Variants in MYRIP observed in about 807,000 individuals in gnomAD.
MYRIP encodes the protein myosin VIIA and Rab interacting protein.
MYRIP carries 49 observed loss-of-function variants against 98.0 expected under a neutral mutation model. The ratio of observed to expected loss-of-function variants is 0.50; its 90% CI spans 0.40 to 0.63. MYRIP has a LOEUF of 0.63. MYRIP is among the 30% of genes least tolerant of loss of function. The pLI is 0.00. For missense variants in MYRIP, 1,004 were observed against 1,058.2 expected, an observed-to-expected ratio of 0.95 and a Z score of 0.71; for synonymous variants, 404 against 409.5, an observed-to-expected ratio of 0.99 and a Z score of 0.16.
At chr3:40,055,152 T>C (rs1352038099) in intron 3 of MYRIP, among the ~76,000 whole-genome samples, 1 of 152,200 alleles carries the variant, frequency 6.6e-6, no homozygotes, top group South Asian at 2.1e-4. Context: ...TTGAGGCCTT[T>C]AGGCATTTCC....
In MYRIP at chr3:40,118,848, C is replaced by T. The variant is rs140940892; in HGVS notation, c.333-32200C>T. ...GTTCCCACCTATGAGTGAGAACGTG[C>T]GATAGTTTGCTGAGAATGATGGTTT... is the stretch of plus-strand genomic sequence containing the variant. On this transcript the variant is annotated intron_variant, in intron 3 of 16. Transcript: ENST00000302541. Among the ~76,000 whole-genome samples the T allele has an allele frequency of 1.0e-2, 1,502 of 150,888 alleles. 26 individuals carry two copies. Among genetic ancestry groups the T allele is most frequent in the African/African-American group, 0.033 (1,368 of 41,190 alleles).
intron 2 of MYRIP, among the ~76,000 whole-genome samples, chr3:39,948,628 CAG>C (rs1451305448): frequency 1.3e-5 from 2 of 151,524 alleles, no homozygotes; most frequent in Non-Finnish European, 2.9e-5. Context: ...AAGTAAGAAA[CAG>C]ATGATAATAT....
intron 1 of MYRIP, among the ~76,000 whole-genome samples, chr3:39,881,555 G>T (rs985208388): frequency 2.6e-5 from 4 of 152,102 alleles, no homozygotes; most frequent in Non-Finnish European, 5.9e-5. Context: ...TGAGTCAGAG[G>T]CCTCAATGTT....
intron 3 of MYRIP, among the ~76,000 whole-genome samples, chr3:40,127,348 CT>C (rs1227616569): frequency 1.3e-5 from 2 of 152,270 alleles, no homozygotes; most frequent in East Asian, 3.9e-4. Context: ...TAGCGACTTG[CT>C]TTTGGTCACT....
intron 2 of MYRIP, among the ~76,000 whole-genome samples, chr3:39,907,810 A>G (rs1197814185): frequency 6.6e-6 from 1 of 152,166 alleles, no homozygotes; most frequent in Non-Finnish European, 1.5e-5. Context: ...ATGCGACCTG[A>G]GTTTCCTGAT....
intron 1 of MYRIP, among the ~76,000 whole-genome samples, chr3:39,815,813 G>C (rs1230112990): frequency 6.6e-6 from 1 of 151,548 alleles, no homozygotes; most frequent in Non-Finnish European, 1.5e-5. Context: ...CCAAGAGTAT[G>C]GTGGTTACTT....
intron 1 of MYRIP, among the ~76,000 whole-genome samples, chr3:39,862,545 A>C (rs1337268747): frequency 1.3e-5 from 2 of 152,242 alleles, no homozygotes; most frequent in Non-Finnish European, 2.9e-5. Flanking sequence ...CAAAAAAGTC[A>C]AAGAAGGCAT....
intron 2 of MYRIP, among the ~76,000 whole-genome samples, chr3:39,991,202 G>A (rs1332742897): frequency 6.6e-6 from 1 of 152,190 alleles, no homozygotes; most frequent in African/African-American, 2.4e-5. Flanking sequence ...TGGTCTAAGT[G>A]TCTGCCTCGA....
intron 2 of MYRIP, among the ~76,000 whole-genome samples, chr3:40,030,766 AG>A (rs1947241587): frequency 6.6e-6 from 1 of 152,166 alleles, no homozygotes; most frequent in Admixed American, 6.6e-5. Flanking sequence ...TAAAATGTTC[AG>A]AATAGGCAAA....
chr3:40,144,856 G>A (rs1949978813), intron 3 of MYRIP, among the ~76,000 whole-genome samples: 1 of 152,190 alleles, frequency 6.6e-6, no homozygotes, highest in Non-Finnish European at 1.5e-5. Flanking sequence ...AGGTGCCTCT[G>A]AATAGCACTT....
intron 2 of MYRIP, among the ~76,000 whole-genome samples, chr3:39,971,512 A>G (rs918628291): frequency 2.0e-5 from 3 of 152,104 alleles, no homozygotes; most frequent in African/African-American, 7.2e-5. Context: ...AGAAAACCAG[A>G]TGGAAGCATT....
At chr3:39,919,880 G>C (rs1194226611) in intron 2 of MYRIP, among the ~76,000 whole-genome samples, 1 of 152,088 alleles carries the variant, frequency 6.6e-6, no homozygotes, top group Non-Finnish European at 1.5e-5. Context: ...CTATCTTACT[G>C]AAAATGTAAG....
At chr3:39,954,442 G>A (rs1485200145) in intron 2 of MYRIP, among the ~76,000 whole-genome samples, 1 of 152,162 alleles carries the variant, frequency 6.6e-6, no homozygotes, top group Non-Finnish European at 1.5e-5. Context: ...CAATAGACCT[G>A]CAGCTGAGGG....
At chr3:40,055,844 C>T (rs1403071288) in intron 3 of MYRIP, among the ~76,000 whole-genome samples, 1 of 152,110 alleles carries the variant, frequency 6.6e-6, no homozygotes, top group Admixed American at 6.6e-5. Flanking sequence ...CTGAGAGCCC[C>T]ACAATAGATT....
chr3:40,121,649 G>A (rs1356037832), intron 3 of MYRIP, among the ~76,000 whole-genome samples: 1 of 151,770 alleles, frequency 6.6e-6, no homozygotes, highest in Admixed American at 6.6e-5. Flanking sequence ...TGCCCCACTG[G>A]TGCAAACCCA....
chr3:40,185,547 G>C (rs1017565869), intron 9 of MYRIP, among the ~76,000 whole-genome samples: 1 of 152,126 alleles, frequency 6.6e-6, no homozygotes, highest in African/African-American at 2.4e-5. Context: ...TGATAATGCT[G>C]CTCAACAACC....
chr3:40,112,047 C>T (rs1949168648), intron 3 of MYRIP, among the ~76,000 whole-genome samples: 1 of 152,072 alleles, frequency 6.6e-6, no homozygotes, highest in Admixed American at 6.5e-5. Context: ...TGCCCTCATC[C>T]ACAGACCAGA....
At chr3:40,040,065 A>G (rs571276308) in intron 2 of MYRIP, among the ~76,000 whole-genome samples, 1 of 152,322 alleles carries the variant, frequency 6.6e-6, no homozygotes, top group East Asian at 1.9e-4. Context: ...CATATAATGC[A>G]GGATAACTAC....
chr3:39,877,782 G>A (rs954737827), intron 1 of MYRIP, among the ~76,000 whole-genome samples: 173 of 152,208 alleles, frequency 1.1e-3, no homozygotes, highest in African/African-American at 3.8e-3. Flanking sequence ...TAGGCTGCTC[G>A]GGGGTCAGGG....
Sources: gnomAD v4.1 joint callset for allele counts (sites outside exome capture counted in the v4.1 genomes callset) on GRCh38, gnomAD v4.1.1 for gene constraint, MANE v1.5 for transcripts, NCBI Gene and HGNC (gene_info 2026-07-23, HGNC 2026-07-21) for gene names.